Variants in HERC2 observed in about 807,000 individuals in gnomAD.
The protein encoded by HERC2 is E3 ubiquitin-protein ligase HERC2.
HERC2 carries 102 observed loss-of-function variants against 537.7 expected under a neutral mutation model. That is an observed-to-expected ratio of 0.19 (90% CI 0.16 to 0.22). HERC2 has a LOEUF of 0.22. Among genes scored for constraint, HERC2 ranks in the 10% least tolerant of loss-of-function variants. The pLI is 1.00. For synonymous variants in HERC2, 2,224 were observed against 2,466.2 expected (o/e 0.90, Z 2.91); for missense variants, 4,236 against 6,198.2 (o/e 0.68, Z 10.63).
intron 48 of HERC2, among the ~76,000 whole-genome samples, chr15:28,201,217 C>A (rs1897872814): frequency 6.6e-6 from 1 of 152,226 alleles, no homozygotes; most frequent in South Asian, 2.1e-4. Flanking sequence ...TGCAGCCCCA[C>A]ATCCCTGTAA....
chr15:28,167,605 T>G, intron 68 of HERC2, 82 bp downstream of exon 68: 1 of 1,524,440 alleles, frequency 6.6e-7, no homozygotes, highest in Non-Finnish European at 9.1e-7. Context: ...TAGACTGTGT[T>G]CCACTCCTAA....
At position 28,228,265 on chromosome 15, in the gene HERC2, A is replaced by G; in HGVS notation, c.5417T>C (p.Leu1806Pro). The G allele has an allele frequency of 6.2e-7, 1 of 1,613,600 alleles. No individual in the cohort carries two copies. Among genetic ancestry groups the G allele is most frequent in the Non-Finnish European group, 8.5e-7 (1 of 1,179,862 alleles). ...QHGANNLDLL[L>P]NSGMLALTQT... is the part of the protein sequence containing the mutation. ...CGTGAGGGCCAGCATGCCGGAATTG[A>G]GCAGAAGGTCGAGGTTGTTTGCGCC... Residue 1806 changes from leucine (L) to proline (P), a missense_variant, in exon 35 of 93, where the codon CTC becomes CCC. Transcript: ENST00000261609.
intron 44 of HERC2, among the ~76,000 whole-genome samples, 173 bp downstream of exon 44, chr15:28,210,824 GTCTTA>G (rs1378265953): frequency 6.6e-6 from 1 of 152,090 alleles, no homozygotes; most frequent in African/African-American, 2.4e-5. Flanking sequence ...CCTCAGTCTT[GTCTTA>G]TAAGATGACG....
chr15:28,166,499 C>T (rs1030534600), intron 68 of HERC2, among the ~76,000 whole-genome samples: 2 of 152,152 alleles, frequency 1.3e-5, no homozygotes, highest in Non-Finnish European at 2.9e-5. Flanking sequence ...TAACAATTAG[C>T]TTACCAAGCA....
chr15:28,229,052 C>A (rs1343376609), intron 34 of HERC2, 143 bp downstream of exon 34: 5 of 799,880 alleles, frequency 6.3e-6, no homozygotes, highest in African/African-American at 1.7e-5. Flanking sequence ...TCTGAGAAAG[C>A]TGACAGCAGC....
intron 75 of HERC2, 114 bp from the exon 76 acceptor site, chr15:28,142,507 C>T: frequency 9.3e-7 from 1 of 1,076,532 alleles, no homozygotes; most frequent in Non-Finnish European, 1.3e-6. Flanking sequence ...GCCATGGGCA[C>T]AGCAAGGATA....
At chr15:28,156,382 C>T (rs1175870223) in intron 69 of HERC2, among the ~76,000 whole-genome samples, 1 of 152,030 alleles carries the variant, frequency 6.6e-6, no homozygotes, top group East Asian at 1.9e-4. Flanking sequence ...ATTTCCTATC[C>T]ATGAGCATGG....
intron 20 of HERC2, among the ~76,000 whole-genome samples, chr15:28,252,889 A>C (rs2075129004): frequency 6.6e-6 from 1 of 152,216 alleles, no homozygotes; most frequent in Non-Finnish European, 1.5e-5. Context: ...TGTGGACAGC[A>C]GGCCCACCCC....
intron 23 of HERC2, among the ~76,000 whole-genome samples, chr15:28,243,126 A>G (rs1002490043): frequency 6.6e-5 from 10 of 152,218 alleles, no homozygotes; most frequent in African/African-American, 2.2e-4. Flanking sequence ...TGGTTCAGAC[A>G]AAGGTGACAT....
rs901658574 is a variant in HERC2 at position 28,191,364 on chromosome 15, TGA to T, written c.8452-122_8452-121del. On this transcript the variant is annotated intron_variant, in intron 53 of 92. Transcript: ENST00000261609. Reference sequence around the variant, plus strand: ...GATTTTTTCAATATAAAATGTAGCATGAGAGAGAATTTTCCCTCAACCTGGCA... The same window carrying T: ...GATTTTTTCAATATAAAATGTAGCATGAGAGAATTTTCCCTCAACCTGGCA... 4 of 653,286 alleles carry T rather than the reference TGA, an allele frequency of 6.1e-6. No homozygotes were observed. The African/African-American group carries it at 7.3e-5, about 12-fold the overall frequency. The allele number at this position is 653,286 out of a possible 1,614,324, so 40.5% of individuals were successfully genotyped here.
chr15:28,255,586 G>A (rs1010396522), intron 19 of HERC2, among the ~76,000 whole-genome samples: 3 of 152,180 alleles, frequency 2.0e-5, no homozygotes, highest in African/African-American at 7.2e-5. Flanking sequence ...TATCCTGGCT[G>A]CAAGTGCCAA....
intron 4 of HERC2, among the ~76,000 whole-genome samples, chr15:28,281,281 A>G (rs1407114605): frequency 6.6e-6 from 1 of 152,194 alleles, no homozygotes; most frequent in African/African-American, 2.4e-5. Flanking sequence ...CTGGTCTTTC[A>G]ATTAAGCATG....
chr15:28,251,184 T>G (rs945493407), intron 20 of HERC2, among the ~76,000 whole-genome samples: 2 of 152,222 alleles, frequency 1.3e-5, no homozygotes, highest in African/African-American at 2.4e-5. Flanking sequence ...GGCTCACACC[T>G]GTAATCCCAA....
At chr15:28,160,324 C>G (rs996854348) in intron 69 of HERC2, among the ~76,000 whole-genome samples, 1 of 152,210 alleles carries the variant, frequency 6.6e-6, no homozygotes, top group Non-Finnish European at 1.5e-5. Context: ...ATGGCCTGCC[C>G]CCAGAGGTGG....
At chr15:28,235,354 A>G (rs2428647) in intron 26 of HERC2, among the ~76,000 whole-genome samples, 10 of 152,122 alleles carry the variant, frequency 6.6e-5, no homozygotes, top group African/African-American at 1.2e-4. Flanking sequence ...CTGCCCTGGA[A>G]CTCGCCAGCC....
Position 28,272,299 on chromosome 15 carries a change from G to A in HERC2, c.999C>T (p.Thr333=). 1 of 1,612,432 alleles carries A rather than the reference G, an allele frequency of 6.2e-7. No individual in the cohort carries two copies. ...ETDNERSAQG[T]SAPLLPLLQR... is the part of the protein sequence containing the mutation. ...GCAGCAAGGGCAAAAGTGGGGCGCT[G>A]GTGCCCTGGGCGGAACGCTCATTGT... The change falls in exon 9 of 93, where the codon ACC becomes ACT. Residue 333 remains threonine (T), a synonymous_variant. Transcript: ENST00000261609.
At chr15:28,223,898 T>G (rs1900796656) in intron 35 of HERC2, among the ~76,000 whole-genome samples, 2 of 151,998 alleles carry the variant, frequency 1.3e-5, no homozygotes, top group Non-Finnish European at 2.9e-5. Flanking sequence ...GTCCCCATAC[T>G]TAATGATTTG....
chr15:28,178,756 C>A, intron 59 of HERC2, 131 bp downstream of exon 59: 2 of 1,033,886 alleles, frequency 1.9e-6, no homozygotes, highest in Non-Finnish European at 2.7e-6. Flanking sequence ...TAGAGATTTA[C>A]ATTATCCAAT....
At position 28,229,294 on chromosome 15, in the gene HERC2, G is replaced by A. The variant is rs776432681; in HGVS notation, c.5173C>T (p.Arg1725Trp). Residue 1725 changes from arginine (R) to tryptophan (W), a missense_variant, in exon 34 of 93, where the codon CGG becomes TGG. Around this residue, in one of 27 missense-constraint regions of HERC2, gnomAD observed 343 missense variants for 417.2 expected, o/e 0.82. Coordinates refer to ENST00000261609, the MANE Select transcript of HERC2 (RefSeq NM_004667.6). ...CCAAAGGTGACTTCCAGCAGCATCCGATTAAAAGGCGGGATCAAATCAACA... is the reference window on the plus strand; with the variant it reads ...CCAAAGGTGACTTCCAGCAGCATCCAATTAAAAGGCGGGATCAAATCAACA... ...KDVDLIPPFN[R>W]MLLEVTFGKL... 1.1e-5 allele frequency: 17 copies of A among 1,612,276 alleles called. No homozygotes were observed. The highest frequency in any genetic ancestry group is 3.3e-5 in the Admixed American group (2 of 60,016).
Sources: gnomAD v4.1 joint callset for allele counts (sites outside exome capture counted in the v4.1 genomes callset) on GRCh38, gnomAD v4.1.1 for gene constraint, gnomAD v4.1.1 regional missense constraint, MANE v1.5 for transcripts, NCBI Gene and HGNC (gene_info 2026-07-23, HGNC 2026-07-21) for gene names.